The following ARHGAP40 variants were observed in gnomAD, a reference collection of about 807,000 sequenced individuals.
ARHGAP40 encodes Rho GTPase activating protein 40, also known as rho GTPase-activating protein 40.
In ARHGAP40, 43 loss-of-function variants were observed where a neutral mutation model predicts 73.5. The ratio of observed to expected loss-of-function variants is 0.58; its 90% CI spans 0.46 to 0.75. The LOEUF is 0.75. Among genes scored for constraint, ARHGAP40 ranks in the 30% least tolerant of loss-of-function variants. The pLI is 0.00. For synonymous variants in ARHGAP40, 300 were observed against 352.8 expected, an observed-to-expected ratio of 0.85 and a Z score of 1.68; for missense variants, 734 against 861.8, an observed-to-expected ratio of 0.85 and a Z score of 1.86.
chr20:38,614,970 G>T (rs1022575101), intron 1 of ARHGAP40: 4 of 1,226,246 alleles, frequency 3.3e-6, no homozygotes, highest in East Asian at 4.6e-5. Context: ...GAGTTTGTAC[G>T]TGTGGTTGAG....
At chr20:38,619,433 A>G (rs2088862439) in intron 1 of ARHGAP40, among the ~76,000 whole-genome samples, 2 of 151,848 alleles carry the variant, frequency 1.3e-5, no homozygotes, top group African/African-American at 2.4e-5. Context: ...GAAATGTTGT[A>G]TGAAAGGTAA....
chr20:38,601,944 T>C, exon 1 of ARHGAP40: 1 of 1,287,866 alleles, frequency 7.8e-7, no homozygotes, highest in Non-Finnish European at 1.0e-6. Context: ...TGCCAGCCCA[T>C]GGCCGAGCCT....
At chr20:38,647,738 C>T (rs1413126817) in intron 13 of ARHGAP40, among the ~76,000 whole-genome samples, 3 of 152,180 alleles carry the variant, frequency 2.0e-5, no homozygotes, top group African/African-American at 7.2e-5. Context: ...AAAGAACAGA[C>T]AGAGGCCCTG....
intron 1 of ARHGAP40, among the ~76,000 whole-genome samples, chr20:38,610,322 A>C (rs1294864611): frequency 6.6e-6 from 1 of 152,144 alleles, no homozygotes; most frequent in Non-Finnish European, 1.5e-5. Flanking sequence ...ACAAGGGTTA[A>C]GTGGGACCCT....
chr20:38,626,925 A>G (rs2088901389), intron 2 of ARHGAP40, 70 bp from the exon 3 acceptor site: 1 of 1,218,062 alleles, frequency 8.2e-7, no homozygotes, highest in African/African-American at 1.6e-5. Flanking sequence ...TTCTATGCAG[A>G]ACTTTGGTTA....
At chr20:38,622,560 G>T (rs2088878950) in intron 1 of ARHGAP40, among the ~76,000 whole-genome samples, 1 of 152,188 alleles carries the variant, frequency 6.6e-6, no homozygotes, top group South Asian at 2.1e-4. Context: ...ATTGAGTGTA[G>T]CTTGGGAAGA....
chr20:38,647,118 C>G, exon 13 of ARHGAP40: 1 of 1,304,390 alleles, frequency 7.7e-7, no homozygotes, highest in Non-Finnish European at 1.0e-6. Context: ...TGGACAGCCT[C>G]CTTCTACAGT....
chr20:38,636,908 G>T (rs1221754558), intron 6 of ARHGAP40, among the ~76,000 whole-genome samples: 1 of 152,152 alleles, frequency 6.6e-6, no homozygotes, highest in Non-Finnish European at 1.5e-5. Flanking sequence ...AGACCAGGGG[G>T]AGGAATCTAG....
At chr20:38,643,897 A>T in exon 11 of ARHGAP40, 1 of 1,302,930 alleles carries the variant, frequency 7.7e-7, no homozygotes, top group Non-Finnish European at 1.0e-6. Context: ...CACTACCAGG[A>T]TCTGCTGTGG....
intron 2 of ARHGAP40, among the ~76,000 whole-genome samples, chr20:38,625,830 G>A (rs1253175876): frequency 6.6e-6 from 1 of 152,156 alleles, no homozygotes; most frequent in Non-Finnish European, 1.5e-5. Flanking sequence ...ATTTATGGTG[G>A]GGATCTTGTT....
At position 38,646,166 on chromosome 20, in the gene ARHGAP40, G is replaced by C; in HGVS notation, c.1689G>C (p.Lys563Asn). The change falls in exon 12 of 15, where the codon AAG (lysine) becomes AAC (asparagine). Residue 563 changes from lysine to asparagine, a missense_variant. Lys to Asn is a moderately conservative substitution (Grantham distance 94). Coordinates refer to ENST00000373345, the Ensembl canonical transcript of ARHGAP40. The surrounding 1 kb of genome is among the most constrained non-coding windows in gnomAD (Gnocchi z 4.5). ...GGAGGATGCACGCAGACAGGGACAA[G>C]GCGGGGGACGGCCTCGAGGCGGTGA... The C allele has an allele frequency of 7.7e-7, 1 of 1,303,252 alleles. No individual in the cohort carries two copies. Among genetic ancestry groups the C allele is most frequent in the South Asian group, 1.2e-5 (1 of 80,982 alleles). The allele number at this position is 1,303,252 out of a possible 1,614,324, so 80.7% of individuals were successfully genotyped here. A position where few individuals can be genotyped will look rare whatever the true frequency, so the allele number is the denominator to read the frequency against.
At position 38,610,543 on chromosome 20, in the gene ARHGAP40, G is replaced by A. The variant is rs189378693; in HGVS notation, c.137+8464G>A. Among the ~76,000 whole-genome samples, 31 of 152,344 alleles carry A rather than the reference G, an allele frequency of 2.0e-4. No individual in the cohort carries two copies. The East Asian group carries it at 5.2e-3, about 26-fold the overall frequency. On this transcript the variant is annotated intron_variant, in intron 1 of 14. Coordinates refer to ENST00000373345, the Ensembl canonical transcript of ARHGAP40. ...CAGTTTGGTTTTATGCATTTTAGGG[G>A]AGACAGGAGTTATAGGCAAAGACAT...
At chr20:38,644,805 A>G (rs2089041482) in intron 11 of ARHGAP40, among the ~76,000 whole-genome samples, 1 of 150,974 alleles carries the variant, frequency 6.6e-6, no homozygotes, top group East Asian at 1.9e-4. Flanking sequence ...CATCCACTCA[A>G]CCATGCATCT....
At position 38,603,659 on chromosome 20, in the gene ARHGAP40, G is replaced by A. The variant is rs974895401; in HGVS notation, c.137+1580G>A. Among the ~76,000 whole-genome samples the A allele has an allele frequency of 7.9e-5, 12 of 152,124 alleles. No homozygotes were observed. The South Asian group carries it at 2.1e-3, about 26-fold the overall frequency. On this transcript the variant is annotated intron_variant, in intron 1 of 14. Coordinates refer to ENST00000373345, the Ensembl canonical transcript of ARHGAP40. ...TATAACAAATCACATAAACTTAGTA[G>A]CTTAAAACGACACAAATGTGTTATC... is the stretch of plus-strand genomic sequence containing the variant.
At chr20:38,623,459 T>C in exon 2 of ARHGAP40, 2 of 1,290,850 alleles carry the variant, frequency 1.5e-6, no homozygotes, top group Non-Finnish European at 2.0e-6. Flanking sequence ...AGTGGAGAGC[T>C]CCAGCATGGA....
intron 1 of ARHGAP40, among the ~76,000 whole-genome samples, chr20:38,607,364 C>T (rs566153980): frequency 1.3e-5 from 2 of 152,190 alleles, no homozygotes; most frequent in African/African-American, 4.8e-5. Context: ...AAACCCGGAA[C>T]GGCCACCTCA....
chr20:38,631,305 A>T (rs1432307275), intron 5 of ARHGAP40, among the ~76,000 whole-genome samples: 3 of 71,884 alleles, frequency 4.2e-5, no homozygotes, highest in Non-Finnish European at 9.2e-5. Flanking sequence ...AGCAAGACCT[A>T]AAAAAAAAAA....
At chr20:38,648,476 C>T in intron 13 of ARHGAP40, among the ~76,000 whole-genome samples, 167 bp from the exon 14 acceptor site, 1 of 152,258 alleles carries the variant, frequency 6.6e-6, no homozygotes, top group East Asian at 1.9e-4. Context: ...GACTCTGTCA[C>T]TGGCTCCAGC....
At chr20:38,602,012 T>C in exon 1 of ARHGAP40, 1 of 1,287,584 alleles carries the variant, frequency 7.8e-7, no homozygotes, top group Non-Finnish European at 1.0e-6. Context: ...AGCCTCACCG[T>C]GTCCTCGGAT....
Sources: allele counts gnomAD v4.1 joint callset (sites outside exome capture counted in the v4.1 genomes callset), GRCh38; gene constraint gnomAD v4.1.1; non-coding constraint Gnocchi (gnomAD v3.1); transcripts MANE v1.5; gene names NCBI Gene and HGNC (gene_info 2026-07-23, HGNC 2026-07-21).